TRIM44: variants seen among roughly 807,000 people sequenced by gnomAD.
TRIM44 encodes the protein tripartite motif-containing protein 44.
Under a neutral mutation model 37.4 loss-of-function variants are expected in TRIM44, and 13 were observed. That is an observed-to-expected ratio of 0.35 (90% confidence interval 0.23 to 0.55). The LOEUF is 0.55. TRIM44 is among the 20% of genes least tolerant of loss of function. TRIM44 has a pLI of 0.89. For synonymous variants in TRIM44, 175 were observed against 157.2 expected (o/e 1.11, Z -0.85); for missense variants, 426 against 437.2 (o/e 0.97, Z 0.23).
intron 2 of TRIM44, among the ~76,000 whole-genome samples, chr11:35,686,529 A>G (rs1421137898): frequency 1.3e-5 from 2 of 151,990 alleles, no homozygotes; most frequent in South Asian, 4.2e-4. Context: ...AAGTACATTC[A>G]CTTTGGTTTT....
chr11:35,699,507 G>A (rs1851754243), intron 2 of TRIM44, among the ~76,000 whole-genome samples: 2 of 151,978 alleles, frequency 1.3e-5, no homozygotes, highest in Admixed American at 6.6e-5. Flanking sequence ...TACTGAATGG[G>A]CAAAAACTGG....
intron 4 of TRIM44, among the ~76,000 whole-genome samples, chr11:35,805,307 A>C (rs1230356472): frequency 6.6e-6 from 1 of 152,200 alleles, no homozygotes; most frequent in Non-Finnish European, 1.5e-5. Context: ...GCAGTGACCT[A>C]TAGAAGAGGA....
chr11:35,761,461 A>T (rs1472626174), intron 4 of TRIM44, among the ~76,000 whole-genome samples: 1 of 151,838 alleles, frequency 6.6e-6, no homozygotes, highest in Non-Finnish European at 1.5e-5. Flanking sequence ...ATTGACTAGG[A>T]CTCATGAACC....
chr11:35,804,982 A>G (rs943406170), intron 4 of TRIM44, among the ~76,000 whole-genome samples: 1 of 152,230 alleles, frequency 6.6e-6, no homozygotes, highest in African/African-American at 2.4e-5. Flanking sequence ...TTATATAGAC[A>G]TAGATAATCC....
chr11:35,797,840 G>A (rs1853313523), intron 4 of TRIM44, among the ~76,000 whole-genome samples: 1 of 152,196 alleles, frequency 6.6e-6, no homozygotes, highest in Admixed American at 6.5e-5. Flanking sequence ...AGGGACTTTA[G>A]GGAAAAACTA....
intron 4 of TRIM44, among the ~76,000 whole-genome samples, chr11:35,754,223 A>G (rs1852596102): frequency 1.3e-5 from 2 of 152,168 alleles, no homozygotes; most frequent in African/African-American, 2.4e-5. Context: ...AGGCATGCTA[A>G]TATCACTGTA....
chr11:35,697,898 G>C (rs553110794), intron 2 of TRIM44, among the ~76,000 whole-genome samples: 1 of 151,984 alleles, frequency 6.6e-6, no homozygotes, highest in East Asian at 1.9e-4. Flanking sequence ...ATTGTGAATA[G>C]TGCCGCAATA....
chr11:35,672,483 A>T (rs139810745), intron 1 of TRIM44, among the ~76,000 whole-genome samples: 1 of 152,220 alleles, frequency 6.6e-6, no homozygotes, highest in Admixed American at 6.5e-5. Context: ...TTCAGTAAAT[A>T]TATAGCATTT....
chr11:35,681,710 A>G (rs1003535148), intron 1 of TRIM44, among the ~76,000 whole-genome samples: 7 of 152,164 alleles, frequency 4.6e-5, no homozygotes, highest in African/African-American at 1.2e-4. Context: ...TCACTTCTCA[A>G]TTAGAACTCA....
intron 4 of TRIM44, among the ~76,000 whole-genome samples, chr11:35,741,365 T>C (rs1852394934): frequency 6.6e-6 from 1 of 152,208 alleles, no homozygotes; most frequent in Non-Finnish European, 1.5e-5. Context: ...GCATACCTCC[T>C]TGCTAAAATA....
chr11:35,666,197 A>G (rs1291578916), intron 1 of TRIM44, among the ~76,000 whole-genome samples: 1 of 152,198 alleles, frequency 6.6e-6, no homozygotes, highest in African/African-American at 2.4e-5. Flanking sequence ...TCATATATCA[A>G]GTGCCCATAA....
rs1262807367 is a variant in TRIM44, at chr11:35,707,608, G to T, written c.748-18316G>T. ...GAAAAGAGCCCTCAGAAATAACGCC[G>T]CATATCTACAACTATCTGTTCTTTG... is the stretch of plus-strand genomic sequence containing the variant. On this transcript the variant is annotated intron_variant, in intron 2 of 4. Transcript: ENST00000299413. Among the ~76,000 whole-genome samples the T allele has an allele frequency of 4.1e-5, 6 of 147,532 alleles. No homozygotes were observed. In the South Asian group the frequency reaches 1.3e-3, roughly 32 times the overall value.
At chr11:35,682,633 G>A (rs1044706809) in intron 1 of TRIM44, among the ~76,000 whole-genome samples, 1 of 152,186 alleles carries the variant, frequency 6.6e-6, no homozygotes, top group Non-Finnish European at 1.5e-5. Context: ...AGAGTGGGGT[G>A]GGGAGGTGGA....
chr11:35,777,400 T>A (rs12802957), intron 4 of TRIM44, among the ~76,000 whole-genome samples: 20,887 of 152,148 alleles, frequency 0.14, 1,501 homozygotes, highest in African/African-American at 0.18. Flanking sequence ...GGGTCTTGAC[T>A]CTATCCAGTT....
At chr11:35,775,260 GCTCT>G (rs1217708756) in intron 4 of TRIM44, among the ~76,000 whole-genome samples, 1 of 151,976 alleles carries the variant, frequency 6.6e-6, no homozygotes, top group Admixed American at 6.6e-5. Context: ...TCATGATTTG[GCTCT>G]CTGTTTGTCT....
In TRIM44 at chr11:35,731,509, C is replaced by G. The variant is rs141103693; in HGVS notation, c.988-3917C>G. 1.8e-3 allele frequency among the ~76,000 whole-genome samples: 280 copies of G among 152,198 alleles called. 2 individuals are homozygous for G. Among genetic ancestry groups the G allele is most frequent in the African/African-American group, 6.5e-3 (269 of 41,534 alleles). ...GAGTTTTGTGTCTTTGTTCATAAGG[C>G]ATATTGGTTTATATATTTTTATAAT... On this transcript the variant is annotated intron_variant, in intron 3 of 4. Coordinates refer to ENST00000299413, the MANE Select transcript of TRIM44 (RefSeq NM_017583.6).
At chr11:35,688,566 C>T (rs1333080338) in intron 2 of TRIM44, among the ~76,000 whole-genome samples, 2 of 152,124 alleles carry the variant, frequency 1.3e-5, no homozygotes, top group Non-Finnish European at 2.9e-5. Flanking sequence ...TTTACAATTG[C>T]TTTTTCCTTT....
chr11:35,664,842 C>T (rs181678682), intron 1 of TRIM44, among the ~76,000 whole-genome samples: 2 of 152,268 alleles, frequency 1.3e-5, no homozygotes, highest in East Asian at 1.9e-4. Context: ...ATACCTTTTC[C>T]AATTATAACC....
At chr11:35,746,377 A>AT (rs939883571) in intron 4 of TRIM44, among the ~76,000 whole-genome samples, 4 of 143,686 alleles carry the variant, frequency 2.8e-5, no homozygotes, top group African/African-American at 1.0e-4. Flanking sequence ...ATCTTGTCAC[A>AT]TTTTTTCCCA....
Sources: gnomAD v4.1 joint callset for allele counts (sites outside exome capture counted in the v4.1 genomes callset) on GRCh38, gnomAD v4.1.1 for gene constraint, MANE v1.5 for transcripts, NCBI Gene and HGNC (gene_info 2026-07-23, HGNC 2026-07-21) for gene names.